The following ABCA1 variants were observed in gnomAD, a reference collection of about 807,000 sequenced individuals.
The protein encoded by ABCA1 is ATP binding cassette subfamily A member 1.
ABCA1 carries 133 observed loss-of-function variants against 262.5 expected under a neutral mutation model. That is an observed-to-expected ratio of 0.51 (90% CI 0.44 to 0.59). The LOEUF (loss-of-function observed/expected upper bound fraction) is 0.59. ABCA1 is among the 20% of genes least tolerant of loss of function. The pLI is 0.00. For synonymous variants in ABCA1, 1,022 were observed against 1,043.5 expected, an observed-to-expected ratio of 0.98 and a Z score of 0.40; for missense variants, 2,452 against 2,777.5, an observed-to-expected ratio of 0.88 and a Z score of 2.63.
chr9:104,832,234 A>G (rs4149303), intron 12 of ABCA1, among the ~76,000 whole-genome samples: 29,938 of 152,148 alleles, frequency 0.2, 4,031 homozygotes, highest in East Asian at 0.7. Flanking sequence ...TCGATTTTAG[A>G]TAAGTTTCAC....
chr9:104,796,683 T>G (rs1181975016), intron 37 of ABCA1, among the ~76,000 whole-genome samples: 5 of 152,192 alleles, frequency 3.3e-5, no homozygotes, highest in African/African-American at 1.2e-4. Context: ...CTCAGTAAAC[T>G]TACTGAACGA....
intron 1 of ABCA1, among the ~76,000 whole-genome samples, chr9:104,914,000 C>A (rs751025731): frequency 1.3e-5 from 2 of 151,600 alleles, no homozygotes; most frequent in Admixed American, 6.6e-5. Context: ...GGGGTTTCGC[C>A]GTGTTAGCCA....
intron 5 of ABCA1, among the ~76,000 whole-genome samples, chr9:104,867,826 G>A (rs993464215): frequency 2.4e-4 from 37 of 152,190 alleles, no homozygotes; most frequent in African/African-American, 8.0e-4. Flanking sequence ...TCCTGAACAG[G>A]AGAGTCATTT....
chr9:104,841,957 C>T lies in ABCA1; in HGVS notation c.814-1438G>A, dbSNP rs145526255. ...CCCTGTATTCCTGGAAATGTCACTGCGTGTTCACACCGCCTGGGAAGACTG... is the reference window on the plus strand; with the variant it reads ...CCCTGTATTCCTGGAAATGTCACTGTGTGTTCACACCGCCTGGGAAGACTG... On this transcript the variant is annotated intron_variant, in intron 8 of 49. Transcript: ENST00000374736. Among the ~76,000 whole-genome samples, 41 of 152,324 alleles carry T rather than the reference C, an allele frequency of 2.7e-4. No individual in the cohort carries two copies. The East Asian group carries it at 3.7e-3, about 14-fold the overall frequency.
Position 104,825,804 on chromosome 9 carries a change from G to C in ABCA1, c.2421C>G (p.Asp807Glu), listed in dbSNP as rs1300452618. ...CCTCCACAGGACTCTCAAACAGGTT[G>C]TCCCACTGCACTCCAATGCCCTGCT... ...FEEQGIGVQW[D>E]NLFESPVEED... Residue 807 changes from aspartate (D) to glutamate (E), a missense_variant, in exon 17 of 50, where the codon GAC (aspartate) becomes GAG (glutamate). By Grantham distance (45) the Asp-to-Glu change is conservative. Around this residue, in one of 4 missense-constraint regions of ABCA1, gnomAD observed 1,032 missense variants for 1,089.7 expected, o/e 0.95. Coordinates refer to ENST00000374736, the MANE Select transcript of ABCA1 (RefSeq NM_005502.4). 6.2e-7 allele frequency: 1 copy of C among 1,614,192 alleles called. No individual in the cohort carries two copies. Among genetic ancestry groups the C allele is most frequent in the Admixed American group, 1.7e-5 (1 of 60,018 alleles).
At chr9:104,887,742 T>G (rs1481885849) in intron 3 of ABCA1, among the ~76,000 whole-genome samples, 3 of 149,070 alleles carry the variant, frequency 2.0e-5, no homozygotes, top group Non-Finnish European at 4.5e-5. Context: ...TTTTTTTTTT[T>G]TTGAGACAGA....
intron 45 of ABCA1, 80 bp from the exon 46 acceptor site, chr9:104,788,134 T>A: frequency 6.9e-7 from 1 of 1,448,458 alleles, no homozygotes; most frequent in Non-Finnish European, 9.7e-7. Context: ...TGTATGAAAG[T>A]TCTTTCACTG....
At chr9:104,799,246 C>A (rs1830135070) in intron 36 of ABCA1, among the ~76,000 whole-genome samples, 1 of 152,086 alleles carries the variant, frequency 6.6e-6, no homozygotes, top group South Asian at 2.1e-4. Flanking sequence ...GAAATATCAA[C>A]TCTGTGCTGA....
chr9:104,917,623 A>G (rs140275367), intron 1 of ABCA1, among the ~76,000 whole-genome samples: 13,791 of 152,066 alleles, frequency 0.091, 912 homozygotes, highest in African/African-American at 0.19. Flanking sequence ...GTGTGGTGGC[A>G]TGCACCTGTA....
chr9:104,913,700 T>C (rs911275234), intron 1 of ABCA1, among the ~76,000 whole-genome samples: 1 of 152,176 alleles, frequency 6.6e-6, no homozygotes, highest in Non-Finnish European at 1.5e-5. Context: ...TCCTCACCAC[T>C]CACTTATACT....
chr9:104,898,267 C>T (rs1840376963), intron 2 of ABCA1, among the ~76,000 whole-genome samples: 1 of 152,074 alleles, frequency 6.6e-6, no homozygotes, highest in Admixed American at 6.6e-5. Context: ...AAATTAAATT[C>T]TCAGGGGGCA....
chr9:104,903,814 T>C (rs998796167), intron 1 of ABCA1, 43 bp from the exon 2 acceptor site: 4 of 819,860 alleles, frequency 4.9e-6, no homozygotes, highest in Non-Finnish European at 8.1e-6. Context: ...CAGTTATTGC[T>C]GCAAAGCCAT....
At chr9:104,922,859 A>G (rs745964675) in intron 1 of ABCA1, among the ~76,000 whole-genome samples, 9 of 151,976 alleles carry the variant, frequency 5.9e-5, no homozygotes, top group East Asian at 1.9e-4. Flanking sequence ...TGGGATTACA[A>G]GCACCCACCA....
chr9:104,867,510 T>C (rs906305699), intron 5 of ABCA1, among the ~76,000 whole-genome samples: 4 of 152,230 alleles, frequency 2.6e-5, no homozygotes, highest in African/African-American at 7.2e-5. Flanking sequence ...GTTGAATTTG[T>C]GATCTAAGGT....
At chr9:104,910,607 C>A (rs1001729188) in intron 1 of ABCA1, among the ~76,000 whole-genome samples, 28 of 152,250 alleles carry the variant, frequency 1.8e-4, no homozygotes, top group African/African-American at 6.7e-4. Flanking sequence ...TGTGTATGTG[C>A]GTGTATTCCA....
chr9:104,916,393 C>T (rs75193579), intron 1 of ABCA1, among the ~76,000 whole-genome samples: 3,243 of 152,178 alleles, frequency 0.021, 107 homozygotes, highest in African/African-American at 0.073. Context: ...TTGAAAGACG[C>T]CTTAAGATTC....
rs1456281429 is a variant in ABCA1, at chr9:104,840,323, T to C, written c.1010A>G (p.Asn337Ser). Residue 337 changes from asparagine (N) to serine (S), a missense_variant, in exon 9 of 50, where the codon AAT (asparagine) becomes AGT (serine). Coordinates refer to ENST00000374736, the MANE Select transcript of ABCA1 (RefSeq NM_005502.4). ...GGTTTCAGCATCTTCCTCAGTGCCATTGCCTCCAAAGAGGGCTTTGTAGTT... is the reference window on the plus strand; with the variant it reads ...GGTTTCAGCATCTTCCTCAGTGCCACTGCCTCCAAAGAGGGCTTTGTAGTT... ...DNNYKALFGG[N>S]GTEEDAETFY... is the part of the protein sequence containing the mutation. 12 of 1,614,214 alleles carry C rather than the reference T, an allele frequency of 7.4e-6. No homozygotes were observed. Among genetic ancestry groups the C allele is most frequent in the Non-Finnish European group, 1.0e-5 (12 of 1,180,044 alleles).
chr9:104,805,904 A>C (rs1830719435), intron 31 of ABCA1, among the ~76,000 whole-genome samples: 2 of 152,312 alleles, frequency 1.3e-5, no homozygotes, highest in Middle Eastern at 3.4e-3. Flanking sequence ...CAGGAATTCC[A>C]GACCAGCCTA....
intron 11 of ABCA1, among the ~76,000 whole-genome samples, chr9:104,835,587 A>T (rs1041620452): frequency 6.6e-6 from 1 of 151,988 alleles, no homozygotes; most frequent in Non-Finnish European, 1.5e-5. Flanking sequence ...CATCCACCCC[A>T]TCAGAGTAAC....
Sources: gnomAD v4.1 joint callset for allele counts (sites outside exome capture counted in the v4.1 genomes callset) on GRCh38, gnomAD v4.1.1 for gene constraint, gnomAD v4.1.1 regional missense constraint, MANE v1.5 for transcripts, NCBI Gene and HGNC (gene_info 2026-07-23, HGNC 2026-07-21) for gene names.